The following MUSK variants were observed in gnomAD, a reference collection of about 807,000 sequenced individuals.
The protein encoded by MUSK is muscle associated receptor tyrosine kinase.
In MUSK, 55 loss-of-function variants were observed where a neutral mutation model predicts 88.7. The ratio of observed to expected loss-of-function variants is 0.62; its 90% CI spans 0.50 to 0.78. MUSK has a LOEUF of 0.78. MUSK is among the 30% of genes least tolerant of loss of function. The pLI is 0.00. For missense variants in MUSK, 1,015 were observed against 1,074.3 expected (o/e 0.94, Z 0.77); for synonymous variants, 387 against 391.9 (o/e 0.99, Z 0.15).
At chr9:110,719,911 T>C (rs1216493457) in intron 5 of MUSK, among the ~76,000 whole-genome samples, 1 of 151,846 alleles carries the variant, frequency 6.6e-6, no homozygotes, top group Non-Finnish European at 1.5e-5. Flanking sequence ...CACAGTGAAA[T>C]AAAACTGGAA....
chr9:110,696,776 T>G (rs1056555879), intron 4 of MUSK, among the ~76,000 whole-genome samples: 11 of 152,096 alleles, frequency 7.2e-5, no homozygotes, highest in African/African-American at 2.7e-4. Flanking sequence ...GTAAACCTGA[T>G]AGTTAAAAGC....
chr9:110,671,157 A>G (rs1383274420), intron 1 of MUSK, among the ~76,000 whole-genome samples: 2 of 152,036 alleles, frequency 1.3e-5, no homozygotes, highest in African/African-American at 4.8e-5. Flanking sequence ...TTTTTAGTAG[A>G]GACAGGGTTT....
At chr9:110,691,932 T>C (rs1403531603) in intron 3 of MUSK, among the ~76,000 whole-genome samples, 1 of 152,100 alleles carries the variant, frequency 6.6e-6, no homozygotes, top group African/African-American at 2.4e-5. Flanking sequence ...TAAAATCCCT[T>C]TTCTTTAGTT....
intron 8 of MUSK, 135 bp from the exon 9 acceptor site, chr9:110,767,685 C>A (rs1038023063): frequency 4.5e-6 from 4 of 887,214 alleles, no homozygotes; most frequent in Non-Finnish European, 5.4e-6. Context: ...TCAAATGGAG[C>A]GTGTCAACCA....
chr9:110,672,474 G>A (rs2131622437), intron 1 of MUSK, among the ~76,000 whole-genome samples: 1 of 152,234 alleles, frequency 6.6e-6, no homozygotes, highest in South Asian at 2.1e-4. Flanking sequence ...CAGATGGCTG[G>A]ATTAATTCAG....
In MUSK at chr9:110,682,708, T is replaced by C; in HGVS notation, c.114T>C (p.Asp38=). Residue 38 remains aspartate, a synonymous_variant, in exon 2 of 15, where the codon GAT becomes GAC. Coordinates refer to ENST00000374448, the MANE Select transcript of MUSK (RefSeq NM_005592.4). ...PVITTPLETV[D]ALVEEVATFM... ...TCACCACTCCTCTTGAAACAGTGGATGCCTTAGTTGAAGAAGTGGCTACTT... is the reference window on the plus strand; with the variant it reads ...TCACCACTCCTCTTGAAACAGTGGACGCCTTAGTTGAAGAAGTGGCTACTT... 2 of 1,612,810 alleles carry C rather than the reference T, an allele frequency of 1.2e-6. No homozygotes were observed. Among genetic ancestry groups the C allele is most frequent in the Non-Finnish European group, 1.7e-6 (2 of 1,178,970 alleles).
At chr9:110,680,480 T>G (rs1269198712) in intron 1 of MUSK, among the ~76,000 whole-genome samples, 2 of 150,856 alleles carry the variant, frequency 1.3e-5, no homozygotes, top group Non-Finnish European at 2.9e-5. Context: ...ACCTCCTGGG[T>G]TCAAGCGATT....
In MUSK at chr9:110,762,210, TA is replaced by T; in HGVS notation, c.920+4del. The T allele has an allele frequency of 7.0e-7, 1 of 1,436,964 alleles. No individual in the cohort carries two copies. The highest frequency in any genetic ancestry group is 9.2e-7 in the Non-Finnish European group (1 of 1,092,196). The allele number at this position is 1,436,964 out of a possible 1,614,324, so 89.0% of individuals were successfully genotyped here. A position where few individuals can be genotyped will look rare whatever the true frequency, so the allele number is the denominator to read the frequency against. ...TCCTTTCCTGTTAATAGAATGGAGGTAAGAAACTGTTATTGTAACAATTGTT... is the reference window on the plus strand; with the variant it reads ...TCCTTTCCTGTTAATAGAATGGAGGTAGAAACTGTTATTGTAACAATTGTT... On this transcript the variant is annotated splice_donor_region_variant and intron_variant, in intron 8 of 14. Coordinates refer to ENST00000374448, the MANE Select transcript of MUSK (RefSeq NM_005592.4).
chr9:110,668,808 C>T lies in MUSK; in HGVS notation c.-97C>T. The T allele has an allele frequency of 1.1e-6, 1 of 919,410 alleles. No homozygotes were observed. The highest frequency in any genetic ancestry group is 2.4e-5 in the East Asian group (1 of 41,436). 57.0% of individuals were successfully genotyped at this position (919,410 alleles called of 1,614,324 possible). On this transcript the variant is annotated 5_prime_UTR_variant, in exon 1 of 15. Coordinates refer to ENST00000374448, the MANE Select transcript of MUSK (RefSeq NM_005592.4). ...ACACAAACAGTCATTAGCAGACAAC[C>T]CTTTTGCAACAAAGTATGCTTTAAA...
At chr9:110,698,360 A>G (rs1002004916) in intron 5 of MUSK, among the ~76,000 whole-genome samples, 1 of 152,076 alleles carries the variant, frequency 6.6e-6, no homozygotes, top group Non-Finnish European at 1.5e-5. Context: ...ATTATCATCT[A>G]TTTTTCTGCT....
Position 110,701,658 on chromosome 9 carries a change from T to TTA in MUSK, c.628+4193_628+4194insAT, listed in dbSNP as rs1564229843. Among the ~76,000 whole-genome samples the TTA allele has an allele frequency of 6.8e-4, 21 of 30,672 alleles. 8 individuals carry two copies. Among genetic ancestry groups the TTA allele is most frequent in the Non-Finnish European group, 1.0e-3 (17 of 17,078 alleles). The allele number at this position is 30,672 out of a possible 152,430, so 20.1% of individuals were successfully genotyped here. On this transcript the variant is annotated intron_variant, in intron 5 of 14. Coordinates refer to ENST00000374448, the MANE Select transcript of MUSK (RefSeq NM_005592.4). ...TGCACTACTGTGCTCAGCTATTTAT[T>TTA]TTATTTATTTTATTTTATTTTTTTT...
At chr9:110,760,757 T>A (rs530881398) in intron 7 of MUSK, among the ~76,000 whole-genome samples, 18 of 152,242 alleles carry the variant, frequency 1.2e-4, no homozygotes, top group Admixed American at 2.0e-4. Flanking sequence ...GATCACTGAA[T>A]AAAAAGCTCA....
chr9:110,746,271 T>C (rs1023669551), intron 6 of MUSK, among the ~76,000 whole-genome samples: 2 of 152,178 alleles, frequency 1.3e-5, no homozygotes, highest in African/African-American at 4.8e-5. Flanking sequence ...GAAAAGGTGG[T>C]ATTGTGCTCA....
At chr9:110,746,171 C>G (rs2077172451) in intron 6 of MUSK, among the ~76,000 whole-genome samples, 1 of 152,206 alleles carries the variant, frequency 6.6e-6, no homozygotes, top group Non-Finnish European at 1.5e-5. Context: ...ATAACACCAG[C>G]TGATTCCTTA....
At chr9:110,692,955 T>C (rs2076378186) in intron 3 of MUSK, among the ~76,000 whole-genome samples, 1 of 152,164 alleles carries the variant, frequency 6.6e-6, no homozygotes, top group South Asian at 2.1e-4. Flanking sequence ...ACATGGAGTG[T>C]TCAGTTAATT....
intron 7 of MUSK, chr9:110,761,944 T>A (rs892697372): frequency 9.1e-6 from 9 of 983,806 alleles, no homozygotes; most frequent in Non-Finnish European, 1.1e-5. Context: ...AGATATTGCC[T>A]TGGTGGATGT....
At chr9:110,743,162 G>A (rs1445526237) in intron 6 of MUSK, among the ~76,000 whole-genome samples, 1 of 152,176 alleles carries the variant, frequency 6.6e-6, no homozygotes. Context: ...TGGGTACTCT[G>A]AAAGAAGTGA....
intron 5 of MUSK, among the ~76,000 whole-genome samples, chr9:110,723,515 G>T (rs774573252): frequency 1.3e-5 from 2 of 151,982 alleles, no homozygotes; most frequent in African/African-American, 2.4e-5. Flanking sequence ...TATATATTAC[G>T]TACAGTTTAC....
chr9:110,706,914 G>C (rs1001993193), intron 5 of MUSK, among the ~76,000 whole-genome samples: 1 of 152,156 alleles, frequency 6.6e-6, no homozygotes, highest in Admixed American at 6.6e-5. Context: ...TGAGGCAGGA[G>C]AACTGCTTGA....
Sources: allele counts gnomAD v4.1 joint callset (sites outside exome capture counted in the v4.1 genomes callset), GRCh38; gene constraint gnomAD v4.1.1; transcripts MANE v1.5; gene names NCBI Gene and HGNC (gene_info 2026-07-23, HGNC 2026-07-21).